Variants in DDR2 observed in about 807,000 individuals in gnomAD.
The protein encoded by DDR2 is discoidin domain-containing receptor 2.
A neutral mutation model predicts 94.9 loss-of-function variants in DDR2; 27 were observed. That is an observed-to-expected ratio of 0.28 (90% CI 0.21 to 0.39). DDR2 has a LOEUF of 0.39. Among genes scored for constraint, DDR2 ranks in the 10% least tolerant of loss-of-function variants. The pLI is 1.00. For missense variants in DDR2, 783 were observed against 1,076.0 expected, an observed-to-expected ratio of 0.73 and a Z score of 3.81; for synonymous variants, 382 against 377.2, an observed-to-expected ratio of 1.01 and a Z score of -0.15.
chr1:162,673,997 G>T (rs1347013530), intron 2 of DDR2, among the ~76,000 whole-genome samples: 1 of 151,922 alleles, frequency 6.6e-6, no homozygotes, highest in Non-Finnish European at 1.5e-5. Flanking sequence ...ATATGCTTTT[G>T]TCCCTCCAAT....
Position 162,780,267 on chromosome 1 carries a change from G to A in DDR2, c.*21G>A, listed in dbSNP as rs2102211924. The A allele has an allele frequency of 6.2e-7, 1 of 1,613,622 alleles. No individual in the cohort carries two copies. Among genetic ancestry groups the A allele is most frequent in the Non-Finnish European group, 8.5e-7 (1 of 1,179,782 alleles). On this transcript the variant is annotated 3_prime_UTR_variant, in exon 18 of 18. Transcript: ENST00000367921. ...AGTGATGCTGTCAGTGCCTGGCCAT[G>A]TTCCTACGGCTCAGGTCCTCCCTAC... is the stretch of plus-strand genomic sequence containing the variant.
chr1:162,747,251 G>T (rs143730767), intron 3 of DDR2, among the ~76,000 whole-genome samples: 5 of 152,078 alleles, frequency 3.3e-5, no homozygotes, highest in Admixed American at 1.3e-4. Context: ...CAAACCCATC[G>T]CAAAGAAGCT....
At chr1:162,674,152 A>C (rs556583820) in intron 2 of DDR2, among the ~76,000 whole-genome samples, 2 of 152,078 alleles carry the variant, frequency 1.3e-5, no homozygotes, top group East Asian at 1.9e-4. Flanking sequence ...TTGCTTTTCT[A>C]TTCTTCCCAA....
At chr1:162,775,570 A>ATAGG in intron 14 of DDR2, 82 bp from the exon 15 acceptor site, 1 of 1,385,716 alleles carries the variant, frequency 7.2e-7, no homozygotes, top group Non-Finnish European at 1.0e-6. Flanking sequence ...ATGTCCAGGA[A>ATAGG]TAGGCCTTGG....
intron 11 of DDR2, 34 bp from the exon 12 acceptor site, chr1:162,770,268 C>T (rs2102180422): frequency 1.9e-6 from 3 of 1,605,236 alleles, no homozygotes; most frequent in Non-Finnish European, 2.6e-6. Flanking sequence ...CTCTTTTGTG[C>T]CAACATGCCT....
intron 3 of DDR2, among the ~76,000 whole-genome samples, chr1:162,751,967 C>T (rs937869258): frequency 2.0e-5 from 3 of 151,756 alleles, no homozygotes; most frequent in Non-Finnish European, 2.9e-5. Flanking sequence ...GGACACAGGG[C>T]GGAGAACATC....
chr1:162,689,471 G>A (rs114455667), intron 2 of DDR2, among the ~76,000 whole-genome samples: 2 of 152,230 alleles, frequency 1.3e-5, no homozygotes, highest in Admixed American at 6.5e-5. Context: ...GTCTGTGCTC[G>A]TGACCACCAA....
Position 162,787,156 on chromosome 1 carries a change from G to T in DDR2, c.*6910G>T, listed in dbSNP as rs1006946717. On this transcript the variant is annotated 3_prime_UTR_variant, in exon 18 of 18. Transcript: ENST00000367921. Reference sequence around the variant, plus strand: ...TTCTGAGCACATTTTTCAGCATGGGGTATGGTAGATAAATCACAGGGCCAA... The same window carrying T: ...TTCTGAGCACATTTTTCAGCATGGGTTATGGTAGATAAATCACAGGGCCAA... 4.6e-5 allele frequency: 7 copies of T among 152,084 alleles called. No individual in the cohort carries two copies. The highest frequency in any genetic ancestry group is 1.0e-4 in the Non-Finnish European group (7 of 68,040). 9.4% of individuals were successfully genotyped at this position (152,084 alleles called of 1,614,324 possible).
intron 2 of DDR2, among the ~76,000 whole-genome samples, chr1:162,681,725 C>T (rs1659411974): frequency 1.3e-5 from 2 of 152,088 alleles, no homozygotes; most frequent in South Asian, 4.1e-4. Context: ...GTCTTATCCA[C>T]AAGAGCTCTG....
intron 3 of DDR2, among the ~76,000 whole-genome samples, chr1:162,745,524 A>T (rs1662810513): frequency 6.6e-6 from 1 of 151,874 alleles, no homozygotes; most frequent in African/African-American, 2.4e-5. Context: ...TAATAGTTTA[A>T]TTTTATTATC....
chr1:162,669,805 G>T (rs12144915), intron 2 of DDR2, among the ~76,000 whole-genome samples: 7,052 of 152,154 alleles, frequency 0.046, 210 homozygotes, highest in South Asian at 0.12. Context: ...TCCTGCTTTT[G>T]GTCAGGAGTC....
chr1:162,733,076 C>A (rs1034194161), intron 3 of DDR2, among the ~76,000 whole-genome samples: 4 of 152,182 alleles, frequency 2.6e-5, no homozygotes, highest in African/African-American at 7.2e-5. Flanking sequence ...ATCAGAAAAC[C>A]GCTAAGACAA....
chr1:162,729,293 TA>T (rs1394481060), intron 3 of DDR2, among the ~76,000 whole-genome samples: 523 of 21,478 alleles, frequency 0.024, 2 homozygotes, highest in East Asian at 0.055. Context: ...TATATATATA[TA>T]TATATATTTT....
At chr1:162,651,818 T>C (rs1657707565) in intron 1 of DDR2, among the ~76,000 whole-genome samples, 1 of 152,238 alleles carries the variant, frequency 6.6e-6, no homozygotes, top group South Asian at 2.1e-4. Context: ...CTTGGTTTAC[T>C]CTTTGGTGTT....
At position 162,755,323 on chromosome 1, in the gene DDR2, AG is replaced by A. The variant is rs753094068; in HGVS notation, c.565+21del. 4 of 1,613,310 alleles carry A rather than the reference AG, an allele frequency of 2.5e-6. No individual in the cohort carries two copies. The East Asian group carries it at 8.9e-5, about 36-fold the overall frequency. On this transcript the variant is annotated intron_variant, in intron 6 of 17. Coordinates refer to ENST00000367921, the MANE Select transcript of DDR2 (RefSeq NM_006182.4). ...GGCTAGGTAGGTCACTAGCCCAGGA[AG>A]CCTATAGACTTTATTAAAAACTCCA...
intron 16 of DDR2, 101 bp from the exon 17 acceptor site, chr1:162,778,479 C>G: frequency 7.0e-7 from 1 of 1,434,772 alleles, no homozygotes; most frequent in East Asian, 2.3e-5. Flanking sequence ...AATTCCTTGC[C>G]TGTGGTGGGG....
At chr1:162,740,161 A>C (rs932973974) in intron 3 of DDR2, among the ~76,000 whole-genome samples, 4 of 152,172 alleles carry the variant, frequency 2.6e-5, no homozygotes, top group Non-Finnish European at 5.9e-5. Flanking sequence ...TTCCCCTCAA[A>C]ATTTTGCCAC....
intron 2 of DDR2, among the ~76,000 whole-genome samples, chr1:162,709,726 G>C (rs1660814141): frequency 6.6e-6 from 1 of 152,180 alleles, no homozygotes; most frequent in Non-Finnish European, 1.5e-5. Flanking sequence ...AAGAAAATGA[G>C]AGGAGCTGGT....
At chr1:162,671,374 T>C (rs1571175131) in intron 2 of DDR2, among the ~76,000 whole-genome samples, 1 of 152,322 alleles carries the variant, frequency 6.6e-6, no homozygotes, top group East Asian at 1.9e-4. Flanking sequence ...CTTGCCCTTT[T>C]GGAGCTGACT....
Sources: allele counts gnomAD v4.1 joint callset (sites outside exome capture counted in the v4.1 genomes callset), GRCh38; gene constraint gnomAD v4.1.1; transcripts MANE v1.5; gene names NCBI Gene and HGNC (gene_info 2026-07-23, HGNC 2026-07-21).